SNX29: variants seen among roughly 807,000 people sequenced by gnomAD.
The protein encoded by SNX29 is sorting nexin-29.
A neutral mutation model predicts 102.1 loss-of-function variants in SNX29; 78 were observed. That is an observed-to-expected ratio of 0.76 (90% CI 0.64 to 0.92). SNX29 has a LOEUF of 0.92. SNX29 is among the 40% of genes least tolerant of loss of function. SNX29 has a pLI of 0.00. For synonymous variants in SNX29, 580 were observed against 414.5 expected (o/e 1.40, Z -4.85); for missense variants, 1,280 against 1,061.7 (o/e 1.21, Z -2.86).
At chr16:12,184,579 G>T (rs756616524) in intron 13 of SNX29, among the ~76,000 whole-genome samples, 1 of 152,214 alleles carries the variant, frequency 6.6e-6, no homozygotes, top group Non-Finnish European at 1.5e-5. Flanking sequence ...TCCATGCCTT[G>T]TTAGCTTCCT....
intron 13 of SNX29, among the ~76,000 whole-genome samples, chr16:12,170,541 G>C (rs1413718956): frequency 6.6e-6 from 1 of 151,906 alleles, no homozygotes; most frequent in Non-Finnish European, 1.5e-5. Flanking sequence ...GGCAGAAGGA[G>C]GAGGGTAGAT....
intron 20 of SNX29, among the ~76,000 whole-genome samples, chr16:12,558,336 CAA>C (rs1016114203): frequency 2.7e-5 from 4 of 149,322 alleles, no homozygotes; most frequent in Admixed American, 6.7e-5. Context: ...AACAAAGAGA[CAA>C]AGAGGCCCCC....
chr16:12,386,467 T>G (rs2083344902), intron 16 of SNX29, among the ~76,000 whole-genome samples: 1 of 152,130 alleles, frequency 6.6e-6, no homozygotes, highest in Non-Finnish European at 1.5e-5. Flanking sequence ...CAATTCGCAA[T>G]GTGAACTGGG....
intron 20 of SNX29, among the ~76,000 whole-genome samples, chr16:12,556,848 A>G (rs950723746): frequency 2.6e-5 from 4 of 151,994 alleles, no homozygotes; most frequent in African/African-American, 9.7e-5. Flanking sequence ...TTGATGGTGG[A>G]AAAAATTGAA....
intron 13 of SNX29, among the ~76,000 whole-genome samples, chr16:12,175,608 G>T (rs926628141): frequency 2.7e-5 from 4 of 150,484 alleles, no homozygotes; most frequent in African/African-American, 4.9e-5. Flanking sequence ...CCGAGATGGT[G>T]CCCCTGCACT....
At chr16:12,420,727 G>A (rs768148170) in intron 18 of SNX29, among the ~76,000 whole-genome samples, 3 of 152,212 alleles carry the variant, frequency 2.0e-5, no homozygotes, top group Non-Finnish European at 4.4e-5. Context: ...CCCCTACTGA[G>A]TACTCAGTCA....
At chr16:12,539,749 A>G (rs938224954) in intron 20 of SNX29, among the ~76,000 whole-genome samples, 1 of 152,218 alleles carries the variant, frequency 6.6e-6, no homozygotes, top group African/African-American at 2.4e-5. Context: ...AGAATATTTC[A>G]TCATGGTCTT....
intron 13 of SNX29, among the ~76,000 whole-genome samples, chr16:12,190,585 A>G (rs1259635351): frequency 6.6e-6 from 1 of 152,170 alleles, no homozygotes; most frequent in East Asian, 1.9e-4. Context: ...CCTGGGGCAG[A>G]TGGGAGAGTT....
intron 18 of SNX29, among the ~76,000 whole-genome samples, chr16:12,451,692 A>G (rs991195227): frequency 2.0e-5 from 3 of 152,102 alleles, no homozygotes; most frequent in African/African-American, 7.2e-5. Context: ...TGAAATCCCC[A>G]TCTCTACTAA....
At chr16:12,179,589 A>G (rs1280058989) in intron 13 of SNX29, among the ~76,000 whole-genome samples, 3 of 152,218 alleles carry the variant, frequency 2.0e-5, no homozygotes, top group Non-Finnish European at 4.4e-5. Context: ...TACTTTACTC[A>G]TTCCTTTTGA....
At chr16:12,068,451 C>G (rs2051137980) in intron 9 of SNX29, among the ~76,000 whole-genome samples, 1 of 149,568 alleles carries the variant, frequency 6.7e-6, no homozygotes, top group East Asian at 1.9e-4. Flanking sequence ...TCACACACCA[C>G]CACTGCACTC....
intron 3 of SNX29, among the ~76,000 whole-genome samples, chr16:12,023,407 CA>C (rs565812913): frequency 0.087 from 8,181 of 94,516 alleles, 298 homozygotes; most frequent in East Asian, 0.16. Flanking sequence ...GACTCTGTCT[CA>C]AAAAAAAAAA....
At chr16:12,372,886 A>C (rs1181242703) in intron 16 of SNX29, 3 of 152,154 alleles carry the variant, frequency 2.0e-5, no homozygotes, top group Non-Finnish European at 4.4e-5. Flanking sequence ...TGGGAGTGTC[A>C]TTTACACTCC....
At chr16:12,091,130 A>C (rs1158038344) in intron 11 of SNX29, among the ~76,000 whole-genome samples, 1 of 151,918 alleles carries the variant, frequency 6.6e-6, no homozygotes, top group Non-Finnish European at 1.5e-5. Context: ...CTTTACCTTC[A>C]CTAATGCTTA....
At chr16:12,199,997 A>C (rs2141967873) in intron 14 of SNX29, among the ~76,000 whole-genome samples, 1 of 152,278 alleles carries the variant, frequency 6.6e-6, no homozygotes, top group Admixed American at 6.5e-5. Context: ...TGATGAAGTC[A>C]CAGCAGGCCA....
intron 20 of SNX29, among the ~76,000 whole-genome samples, chr16:12,530,975 A>C (rs376749205): frequency 6.6e-6 from 1 of 152,068 alleles, no homozygotes; most frequent in African/African-American, 2.4e-5. Context: ...AGGTTTCCAG[A>C]TTTTTCTCCC....
chr16:12,260,826 C>G (rs1357415838), intron 14 of SNX29, among the ~76,000 whole-genome samples: 1 of 148,212 alleles, frequency 6.7e-6, no homozygotes, highest in Non-Finnish European at 1.5e-5. Context: ...GAGCTCAGAT[C>G]TGTGTGCGTG....
chr16:12,075,589 G>A (rs1024307224), intron 10 of SNX29, among the ~76,000 whole-genome samples: 15 of 152,338 alleles, frequency 9.8e-5, no homozygotes, highest in African/African-American at 3.6e-4. Flanking sequence ...GGATGCCTCC[G>A]AGTTAGGCTG....
intron 20 of SNX29, among the ~76,000 whole-genome samples, chr16:12,540,347 TTATCCCCTG>T (rs1167098557): frequency 6.6e-6 from 1 of 152,152 alleles, no homozygotes; most frequent in Non-Finnish European, 1.5e-5. Context: ...AAGAGGAACG[TTATCCCCTG>T]TATTAATTTC....
Sources: gnomAD v4.1 joint callset for allele counts (sites outside exome capture counted in the v4.1 genomes callset) on GRCh38, gnomAD v4.1.1 for gene constraint, MANE v1.5 for transcripts, NCBI Gene and HGNC (gene_info 2026-07-23, HGNC 2026-07-21) for gene names.